HDAC9: variants seen among roughly 807,000 people sequenced by gnomAD.
HDAC9 encodes histone deacetylase 9.
In HDAC9, 41 loss-of-function variants were observed where a neutral mutation model predicts 139.4. The observed-to-expected ratio is 0.29, with a 90% CI of 0.23 to 0.38. The LOEUF (loss-of-function observed/expected upper bound fraction) is 0.38, where lower values mean the gene tolerates loss of function less well. Among genes scored for constraint, HDAC9 ranks in the 10% least tolerant of loss-of-function variants. The probability of loss-of-function intolerance (pLI) is 1.00; values close to 1 mark genes in which losing one functional copy is unlikely to be tolerated. For missense variants in HDAC9, 1,147 were observed against 1,297.0 expected, an observed-to-expected ratio of 0.88 and a Z score of 1.78; for synonymous variants, 517 against 476.2, an observed-to-expected ratio of 1.09 and a Z score of -1.12.
chr7:18,257,886 C>G (rs969079577), intron 2 of HDAC9, among the ~76,000 whole-genome samples: 2 of 152,186 alleles, frequency 1.3e-5, no homozygotes, highest in African/African-American at 4.8e-5. Flanking sequence ...GCACTAGACA[C>G]AAACTGTAAG....
chr7:18,381,599 A>AT (rs1785454154), intron 1 of HDAC9, among the ~76,000 whole-genome samples: 1 of 152,112 alleles, frequency 6.6e-6, no homozygotes, highest in Admixed American at 6.6e-5. Context: ...ATTTTAGGCC[A>AT]TTTTTTATTA....
intron 1 of HDAC9, among the ~76,000 whole-genome samples, chr7:18,319,087 AC>A (rs758166467): frequency 4.6e-5 from 7 of 152,214 alleles, no homozygotes; most frequent in Non-Finnish European, 8.8e-5. Flanking sequence ...AGTAGCATTT[AC>A]CGTAATTGTT....
At chr7:18,510,922 G>A (rs895608285) in intron 2 of HDAC9, among the ~76,000 whole-genome samples, 32 of 152,146 alleles carry the variant, frequency 2.1e-4, no homozygotes, top group Non-Finnish European at 4.0e-4. Flanking sequence ...CCTTAAAACA[G>A]CATAAATTAG....
At chr7:18,268,699 G>A (rs1796155560) in intron 2 of HDAC9, among the ~76,000 whole-genome samples, 1 of 152,114 alleles carries the variant, frequency 6.6e-6, no homozygotes, top group South Asian at 2.1e-4. Flanking sequence ...GAGCCATTTT[G>A]CCCTTGTTTA....
At chr7:18,142,195 G>C (rs1178360) in intron 1 of HDAC9, among the ~76,000 whole-genome samples, 66,168 of 151,974 alleles carry the variant, frequency 0.44, 16,583 homozygotes, top group African/African-American at 0.69. Flanking sequence ...TGCATTTTCC[G>C]ATGCCCCTAA....
chr7:18,573,088 G>A (rs1421548054), intron 2 of HDAC9, among the ~76,000 whole-genome samples: 1 of 152,138 alleles, frequency 6.6e-6, no homozygotes, highest in African/African-American at 2.4e-5. Flanking sequence ...TTCCTGTTCA[G>A]ACCCCTGGGA....
intron 17 of HDAC9, among the ~76,000 whole-genome samples, chr7:18,793,895 G>A (rs747645069): frequency 2.8e-4 from 43 of 152,154 alleles, no homozygotes; most frequent in Non-Finnish European, 4.7e-4. Context: ...ATTGGGAGGA[G>A]GAAGGAAATT....
chr7:18,912,281 T>A (rs1802809939), intron 22 of HDAC9, among the ~76,000 whole-genome samples: 1 of 152,096 alleles, frequency 6.6e-6, no homozygotes, highest in Non-Finnish European at 1.5e-5. Flanking sequence ...CTCTCTTATG[T>A]TCACTTTTCT....
chr7:18,611,924 A>C (rs187743629), intron 6 of HDAC9, among the ~76,000 whole-genome samples: 1 of 152,278 alleles, frequency 6.6e-6, no homozygotes, highest in East Asian at 1.9e-4. Flanking sequence ...GAAATATTTA[A>C]CAAGTTTTTC....
intron 1 of HDAC9, among the ~76,000 whole-genome samples, chr7:18,398,896 A>T (rs1019075244): frequency 6.6e-6 from 1 of 152,106 alleles, no homozygotes; most frequent in African/African-American, 2.4e-5. Flanking sequence ...TTTTTGAAAC[A>T]TACGAAATCC....
At chr7:18,704,744 A>G (rs1433167935) in intron 12 of HDAC9, among the ~76,000 whole-genome samples, 1 of 152,230 alleles carries the variant, frequency 6.6e-6, no homozygotes, top group Non-Finnish European at 1.5e-5. Flanking sequence ...ATTCTCTTGC[A>G]TATACACAGA....
intron 1 of HDAC9, among the ~76,000 whole-genome samples, chr7:18,417,838 GC>G (rs1273379909): frequency 1.3e-5 from 2 of 152,094 alleles, no homozygotes; most frequent in African/African-American, 4.8e-5. Context: ...TTTGCACTCT[GC>G]TGAATAGTTA....
intron 13 of HDAC9, among the ~76,000 whole-genome samples, chr7:18,741,738 CT>C (rs1398001161): frequency 6.6e-6 from 1 of 152,126 alleles, no homozygotes; most frequent in Non-Finnish European, 1.5e-5. Flanking sequence ...ACATTGAAAC[CT>C]TCTGGAAAGG....
chr7:18,341,367 A>C (rs1033857755), intron 1 of HDAC9, among the ~76,000 whole-genome samples: 1 of 151,728 alleles, frequency 6.6e-6, no homozygotes, highest in African/African-American at 2.4e-5. Context: ...GGGGGCTTCA[A>C]ATATATGTAA....
chr7:18,491,071 T>G (rs1314604984), upstream of HDAC9, among the ~76,000 whole-genome samples: 1 of 151,964 alleles, frequency 6.6e-6, no homozygotes, highest in African/African-American at 2.4e-5. Flanking sequence ...TTACATTACC[T>G]CCTTTGCTTG....
intron 1 of HDAC9, among the ~76,000 whole-genome samples, chr7:18,138,523 GAGAGGTGTGTGTGTGT>G (rs1785622649): frequency 7.4e-6 from 1 of 134,650 alleles, no homozygotes; most frequent in Admixed American, 7.7e-5. Flanking sequence ...GAGAGAGAGA[GAGAGGTGTGTGTGTGT>G]GTGTGTGTGT....
At chr7:18,926,329 A>G (rs1271258552) in intron 22 of HDAC9, among the ~76,000 whole-genome samples, 1 of 152,208 alleles carries the variant, frequency 6.6e-6, no homozygotes, top group African/African-American at 2.4e-5. Context: ...CCTGGATGAC[A>G]GAGTGAGACT....
At chr7:18,271,466 A>G (rs1401719458) in intron 2 of HDAC9, among the ~76,000 whole-genome samples, 1 of 152,172 alleles carries the variant, frequency 6.6e-6, no homozygotes, top group Non-Finnish European at 1.5e-5. Context: ...CAAGTGGTAT[A>G]TGTATTCAGC....
chr7:18,901,243 CACACATATAT>C (rs1801689085), intron 22 of HDAC9, among the ~76,000 whole-genome samples: 2 of 148,650 alleles, frequency 1.3e-5, no homozygotes, highest in South Asian at 4.2e-4. Flanking sequence ...CACACACACA[CACACATATAT>C]ACATATACAT....
Sources: gnomAD v4.1 joint callset for allele counts (sites outside exome capture counted in the v4.1 genomes callset) on GRCh38, gnomAD v4.1.1 for gene constraint, MANE v1.5 for transcripts, NCBI Gene and HGNC (gene_info 2026-07-23, HGNC 2026-07-21) for gene names.